Variants in FSTL4 observed in about 807,000 individuals in gnomAD.
FSTL4 encodes the protein follistatin-related protein 4.
FSTL4 carries 28 observed loss-of-function variants against 78.2 expected under a neutral mutation model. The observed-to-expected ratio is 0.36, with a 90% CI of 0.27 to 0.49. The LOEUF is 0.49. Ranked by LOEUF, FSTL4 falls within the 20% of genes least tolerant of loss-of-function variation. The probability of loss-of-function intolerance (pLI) is 0.98; values close to 1 mark genes in which losing one functional copy is unlikely to be tolerated. For missense variants in FSTL4, 922 were observed against 1,084.9 expected (o/e 0.85, Z 2.11); for synonymous variants, 422 against 440.5 (o/e 0.96, Z 0.53).
chr5:133,679,808 C>T, the FSTL4 span, among the ~76,000 whole-genome samples: 1 of 152,034 alleles, frequency 6.6e-6, no homozygotes, highest in East Asian at 1.9e-4. Context: ...CCCAGGCCTA[C>T]CCAGATCTCA....
the FSTL4 span, among the ~76,000 whole-genome samples, chr5:133,816,044 G>C: frequency 6.6e-6 from 1 of 152,194 alleles, no homozygotes; most frequent in Non-Finnish European, 1.5e-5. Flanking sequence ...GCGGGCTCTG[G>C]ACAGCCAGGG....
the FSTL4 span, among the ~76,000 whole-genome samples, chr5:133,652,962 A>G: frequency 2.6e-5 from 4 of 152,276 alleles, no homozygotes; most frequent in South Asian, 4.2e-4. Flanking sequence ...ACAGACTGAG[A>G]TCCTATGTCC....
At chr5:133,253,655 C>T (rs1176513984) in intron 6 of FSTL4, among the ~76,000 whole-genome samples, 1 of 152,208 alleles carries the variant, frequency 6.6e-6, no homozygotes, top group Non-Finnish European at 1.5e-5. Flanking sequence ...CTCCCCTGCC[C>T]CATCCCAGGC....
At chr5:133,401,652 G>C (rs1756225915) in intron 3 of FSTL4, among the ~76,000 whole-genome samples, 1 of 152,212 alleles carries the variant, frequency 6.6e-6, no homozygotes, top group African/African-American at 2.4e-5. Context: ...CAGGCAAAGA[G>C]CATGGGAGCC....
intron 4 of FSTL4, among the ~76,000 whole-genome samples, chr5:133,368,963 T>A (rs756371369): frequency 6.6e-6 from 1 of 152,242 alleles, no homozygotes; most frequent in Non-Finnish European, 1.5e-5. Flanking sequence ...TAAAGGGGAT[T>A]TTCCAGCAGA....
chr5:133,569,632 A>G (rs927736805), intron 2 of FSTL4, among the ~76,000 whole-genome samples: 3 of 152,170 alleles, frequency 2.0e-5, no homozygotes, highest in Non-Finnish European at 4.4e-5. Flanking sequence ...AATAAAATAA[A>G]TGTGTTGGAT....
chr5:133,540,736 A>AAAAAAAAAAG (rs1191783031), intron 3 of FSTL4, among the ~76,000 whole-genome samples: 7 of 150,960 alleles, frequency 4.6e-5, no homozygotes, highest in African/African-American at 1.7e-4. Flanking sequence ...AAAAAAAAAA[A>AAAAAAAAAAG]AAAGAAAGAA....
the FSTL4 span, among the ~76,000 whole-genome samples, chr5:133,760,430 A>G: frequency 6.6e-6 from 1 of 152,142 alleles, no homozygotes; most frequent in Non-Finnish European, 1.5e-5. Flanking sequence ...CCTCCATGCC[A>G]TAATGTAAGA....
intron 3 of FSTL4, among the ~76,000 whole-genome samples, chr5:133,459,745 C>T (rs10073105): frequency 0.011 from 1,545 of 139,112 alleles, 27 homozygotes; most frequent in African/African-American, 0.037. Flanking sequence ...AGACCATAAG[C>T]GTCAACTCAG....
chr5:133,486,101 G>A (rs770046605), intron 3 of FSTL4, among the ~76,000 whole-genome samples: 28 of 152,090 alleles, frequency 1.8e-4, no homozygotes, highest in Admixed American at 1.1e-3. Context: ...GTAAAAACAC[G>A]GGCTCATGGA....
intron 7 of FSTL4, among the ~76,000 whole-genome samples, chr5:133,243,171 T>C (rs1002881071): frequency 6.6e-6 from 1 of 152,162 alleles, no homozygotes; most frequent in Non-Finnish European, 1.5e-5. Flanking sequence ...ATGGGTTTTG[T>C]TTTTTGCTTT....
chr5:133,325,195 G>A (rs1328931917), intron 4 of FSTL4, among the ~76,000 whole-genome samples: 1 of 152,244 alleles, frequency 6.6e-6, no homozygotes. Context: ...ACCCAGGTAA[G>A]GAGGCCTGTG....
chr5:133,794,001 T>C, the FSTL4 span, among the ~76,000 whole-genome samples: 1 of 152,226 alleles, frequency 6.6e-6, no homozygotes, highest in East Asian at 1.9e-4. Flanking sequence ...TGAGACTCCT[T>C]GGCAAATGAA....
chr5:133,659,691 C>G, the FSTL4 span, among the ~76,000 whole-genome samples: 1 of 151,494 alleles, frequency 6.6e-6, no homozygotes, highest in Non-Finnish European at 1.5e-5. Flanking sequence ...TCTTCTTCCC[C>G]TTTCCTTTCT....
chr5:133,607,617 C>T (rs398497), intron 1 of FSTL4, among the ~76,000 whole-genome samples: 54,529 of 152,054 alleles, frequency 0.36, 9,931 homozygotes, highest in South Asian at 0.44. Flanking sequence ...CACCTGCTGC[C>T]GCCTGTCTGT....
At chr5:133,800,655 C>T in the FSTL4 span, among the ~76,000 whole-genome samples, 3 of 137,438 alleles carry the variant, frequency 2.2e-5, 1 homozygote, top group Non-Finnish European at 4.9e-5. Context: ...TACTTCGCAG[C>T]CCTTTCTTGA....
At chr5:133,604,914 C>T (rs997092702) in intron 1 of FSTL4, among the ~76,000 whole-genome samples, 1 of 152,130 alleles carries the variant, frequency 6.6e-6, no homozygotes, top group Non-Finnish European at 1.5e-5. Flanking sequence ...CTGAGGCTCA[C>T]TTGATAACAT....
chr5:133,621,460 A>C, the FSTL4 span, among the ~76,000 whole-genome samples: 2 of 152,176 alleles, frequency 1.3e-5, no homozygotes, highest in East Asian at 3.9e-4. Context: ...AGTGACCTGG[A>C]TGAGATTAGA....
chr5:133,321,774 G>A (rs1377183926), intron 4 of FSTL4, among the ~76,000 whole-genome samples: 9 of 152,296 alleles, frequency 5.9e-5, no homozygotes, highest in Middle Eastern at 6.8e-3. Flanking sequence ...TGATTAATCC[G>A]GAGGCATGAC....
Sources: gnomAD v4.1 joint callset for allele counts (sites outside exome capture counted in the v4.1 genomes callset) on GRCh38, gnomAD v4.1.1 for gene constraint, MANE v1.5 for transcripts, NCBI Gene and HGNC (gene_info 2026-07-23, HGNC 2026-07-21) for gene names.